FAM227B: variants seen among roughly 807,000 people sequenced by gnomAD.
The protein encoded by FAM227B is family with sequence similarity 227 member B, also known as protein FAM227B.
A neutral mutation model predicts 73.8 loss-of-function variants in FAM227B; 88 were observed. That is an observed-to-expected ratio of 1.19 (90% CI 1.00 to 1.42). FAM227B has a LOEUF of 1.42. FAM227B is among the 40% of genes most tolerant of loss of function. The probability of loss-of-function intolerance (pLI) is 0.00; values close to 1 mark genes in which losing one functional copy is unlikely to be tolerated. For synonymous variants in FAM227B, 210 were observed against 190.5 expected (o/e 1.10, Z -0.84); for missense variants, 632 against 590.9 (o/e 1.07, Z -0.72).
chr15:49,355,277 C>T (rs984261183), intron 13 of FAM227B, among the ~76,000 whole-genome samples: 7 of 152,056 alleles, frequency 4.6e-5, no homozygotes, highest in Admixed American at 1.3e-4. Flanking sequence ...AGGCTTCAGA[C>T]TATCAAATTA....
chr15:49,578,079 G>A (rs2075575559), intron 5 of FAM227B, among the ~76,000 whole-genome samples: 1 of 152,186 alleles, frequency 6.6e-6, no homozygotes, highest in Non-Finnish European at 1.5e-5. Context: ...GGAGAAATTA[G>A]TTATGATGGA....
chr15:49,545,241 C>G (rs985572156), intron 9 of FAM227B, among the ~76,000 whole-genome samples: 1 of 152,030 alleles, frequency 6.6e-6, no homozygotes, highest in African/African-American at 2.4e-5. Context: ...TTGTATATTT[C>G]CTGGAATTTA....
At chr15:49,593,764 A>G (rs146900214) in intron 3 of FAM227B, among the ~76,000 whole-genome samples, 1 of 152,342 alleles carries the variant, frequency 6.6e-6, no homozygotes, top group African/African-American at 2.4e-5. Context: ...AAATGCCATT[A>G]TTTGGTTCCT....
chr15:49,374,716 C>G (rs945786113), intron 11 of FAM227B, among the ~76,000 whole-genome samples: 1 of 152,072 alleles, frequency 6.6e-6, no homozygotes, highest in Non-Finnish European at 1.5e-5. Flanking sequence ...CTGATTTTTA[C>G]TATTTTTAGT....
rs2075455143 is a variant in FAM227B at position 49,576,564 on chromosome 15, T to C, written c.546+177A>G. 1.5e-5 allele frequency: 8 copies of C among 548,910 alleles called. No individual in the cohort carries two copies. In the South Asian group the frequency reaches 1.8e-4, roughly 12 times the overall value. The allele number at this position is 548,910 out of a possible 1,614,324, so 34.0% of individuals were successfully genotyped here. Reference sequence around the variant, plus strand: ...CCCAAAGCAGTAACACAGAGTTTAATATATTCTTTTCTGGTAATTAGCGGT... The same window carrying C: ...CCCAAAGCAGTAACACAGAGTTTAACATATTCTTTTCTGGTAATTAGCGGT... On this transcript the variant is annotated intron_variant, in intron 7 of 15. Transcript: ENST00000299338.
intron 13 of FAM227B, chr15:49,365,182 C>T (rs1040989969): frequency 1.9e-5 from 15 of 783,304 alleles, no homozygotes; most frequent in Middle Eastern, 6.5e-4. Context: ...TTGCATAATA[C>T]AGATGGTCCA....
intron 3 of FAM227B, among the ~76,000 whole-genome samples, chr15:49,605,436 T>C (rs2077453289): frequency 6.6e-6 from 1 of 152,176 alleles, no homozygotes; most frequent in South Asian, 2.1e-4. Flanking sequence ...GTCCACTGGG[T>C]GCAGCCTGTA....
chr15:49,415,781 T>C (rs1167162921), intron 11 of FAM227B, among the ~76,000 whole-genome samples: 1 of 152,190 alleles, frequency 6.6e-6, no homozygotes, highest in African/African-American at 2.4e-5. Flanking sequence ...GACTCATACT[T>C]TGTATCTTAT....
intron 11 of FAM227B, chr15:49,485,585 A>G (rs1264487511): frequency 6.6e-6 from 1 of 152,522 alleles, no homozygotes; most frequent in Admixed American, 6.6e-5. Context: ...ACTGACACTA[A>G]GTCTAGCACA....
chr15:49,359,468 G>T lies in FAM227B; in HGVS notation c.1271+7980C>A, dbSNP rs1270172254. Among the ~76,000 whole-genome samples the T allele has an allele frequency of 9.2e-5, 11 of 119,278 alleles. 3 individuals are homozygous for T. The highest frequency in any genetic ancestry group is 3.6e-4 in the African/African-American group (11 of 30,906). 78.3% of individuals were successfully genotyped at this position (119,278 alleles called of 152,430 possible). Reference sequence around the variant, plus strand: ...CTTCTCAAAAGAAGACATTTATGCAGCCAAAAAACACATGAAAAAATGCTC... The same window carrying T: ...CTTCTCAAAAGAAGACATTTATGCATCCAAAAAACACATGAAAAAATGCTC... On this transcript the variant is annotated intron_variant, in intron 13 of 15. Transcript: ENST00000299338.
intron 13 of FAM227B, among the ~76,000 whole-genome samples, chr15:49,348,698 C>A (rs1414066820): frequency 6.6e-6 from 1 of 152,178 alleles, no homozygotes; most frequent in Non-Finnish European, 1.5e-5. Context: ...AAATTATTAT[C>A]TGATCAATAT....
At chr15:49,370,419 C>T (rs2045731299) in intron 12 of FAM227B, among the ~76,000 whole-genome samples, 2 of 152,124 alleles carry the variant, frequency 1.3e-5, no homozygotes, top group Admixed American at 6.6e-5. Context: ...GGCAATATTG[C>T]CCCAAAGGAA....
intron 10 of FAM227B, among the ~76,000 whole-genome samples, chr15:49,536,626 C>T (rs1159792989): frequency 1.3e-5 from 2 of 151,688 alleles, no homozygotes; most frequent in Non-Finnish European, 2.9e-5. Flanking sequence ...AGGAAAAAAA[C>T]GTTGTAGGCA....
chr15:49,608,068 C>G (rs545461930), intron 3 of FAM227B, among the ~76,000 whole-genome samples: 10 of 152,262 alleles, frequency 6.6e-5, no homozygotes, highest in African/African-American at 2.4e-4. Context: ...ATCAACACTA[C>G]TACTAGAGTA....
At chr15:49,335,297 A>G (rs992387805) in intron 14 of FAM227B, 122 bp downstream of exon 14, 4 of 633,814 alleles carry the variant, frequency 6.3e-6, no homozygotes, top group East Asian at 2.8e-5. Context: ...CTCTGAGTCT[A>G]TAAGATGCTC....
At position 49,574,988 on chromosome 15, in the gene FAM227B, T is replaced by A. The variant is rs544750773; in HGVS notation, c.645+23A>T. 3.5e-6 allele frequency: 5 copies of A among 1,420,224 alleles called. No homozygotes were observed. In the East Asian group the frequency reaches 7.0e-5, roughly 20 times the overall value. 88.0% of individuals were successfully genotyped at this position (1,420,224 alleles called of 1,614,324 possible). On this transcript the variant is annotated intron_variant, in intron 8 of 15. Coordinates refer to ENST00000299338, the MANE Select transcript of FAM227B (RefSeq NM_152647.3). Reference sequence around the variant, plus strand: ...TTATGCCAAAAATCAACTTAAAAAATAAATTTTTAAAAATCACTATACCCT... The same window carrying A: ...TTATGCCAAAAATCAACTTAAAAAAAAAATTTTTAAAAATCACTATACCCT...
chr15:49,619,499 T>C (rs1053175266), intron 1 of FAM227B, among the ~76,000 whole-genome samples: 5 of 152,196 alleles, frequency 3.3e-5, no homozygotes, highest in Admixed American at 2.6e-4. Context: ...CCCGGCCATA[T>C]AGTTACAGAA....
At chr15:49,358,935 A>G (rs1056851023) in intron 13 of FAM227B, among the ~76,000 whole-genome samples, 1 of 146,090 alleles carries the variant, frequency 6.8e-6, no homozygotes, top group Non-Finnish European at 1.5e-5. Context: ...ATAACGCCGC[A>G]TATCTACAAC....
At chr15:49,367,422 T>C (rs2045393647) in intron 13 of FAM227B, 26 bp downstream of exon 13, 4 of 1,512,772 alleles carry the variant, frequency 2.6e-6, no homozygotes, top group Middle Eastern at 3.8e-4. Flanking sequence ...AGAAATTATA[T>C]TAAAGCAAAG....
Sources: gnomAD v4.1 joint callset for allele counts (sites outside exome capture counted in the v4.1 genomes callset) on GRCh38, gnomAD v4.1.1 for gene constraint, MANE v1.5 for transcripts, NCBI Gene and HGNC (gene_info 2026-07-23, HGNC 2026-07-21) for gene names.